The following STK32C variants were observed in gnomAD, a reference collection of about 807,000 sequenced individuals.
STK32C encodes serine/threonine kinase 32C.
In STK32C, 31 loss-of-function variants were observed where a neutral mutation model predicts 56.5. That is an observed-to-expected ratio of 0.55 (90% CI 0.41 to 0.74). STK32C has a LOEUF of 0.74. Among genes scored for constraint, STK32C ranks in the 30% least tolerant of loss-of-function variants. The pLI, the probability that STK32C is intolerant of heterozygous loss-of-function variation, is 0.00. For missense variants in STK32C, 544 were observed against 676.9 expected, an observed-to-expected ratio of 0.80 and a Z score of 2.18; for synonymous variants, 309 against 289.4, an observed-to-expected ratio of 1.07 and a Z score of -0.69.
chr10:132,280,734 G>A (rs1225945560), intron 1 of STK32C, among the ~76,000 whole-genome samples: 2 of 107,952 alleles, frequency 1.9e-5, no homozygotes, highest in African/African-American at 3.5e-5. Context: ...CCCTGCACTC[G>A]GTGATCACAC....
chr10:132,296,909 G>C (rs534103457), intron 1 of STK32C, among the ~76,000 whole-genome samples: 1 of 152,266 alleles, frequency 6.6e-6, no homozygotes, highest in Admixed American at 6.5e-5. Context: ...CTGGAAAGGA[G>C]TGTCAGGGCC....
intron 1 of STK32C, among the ~76,000 whole-genome samples, chr10:132,282,205 A>G (rs1327695841): frequency 1.3e-5 from 2 of 152,288 alleles, no homozygotes; most frequent in Admixed American, 6.5e-5. Context: ...TGCGCCAACC[A>G]GCCCGCACCA....
chr10:132,217,371 T>C (rs534900148), intron 10 of STK32C, among the ~76,000 whole-genome samples: 4 of 152,332 alleles, frequency 2.6e-5, no homozygotes, highest in African/African-American at 7.2e-5. Flanking sequence ...TGTACCCCTA[T>C]TGTATCTAGG....
chr10:132,239,785 T>C (rs1449730068), intron 2 of STK32C, among the ~76,000 whole-genome samples: 1 of 152,226 alleles, frequency 6.6e-6, no homozygotes, highest in Non-Finnish European at 1.5e-5. Flanking sequence ...GGGGCTGTCA[T>C]GTGAGGGGTC....
upstream of STK32C, among the ~76,000 whole-genome samples, chr10:132,309,798 C>T (rs549325488): frequency 5.3e-4 from 80 of 152,350 alleles, no homozygotes; most frequent in African/African-American, 1.9e-3. Flanking sequence ...AACACGCAGC[C>T]TCTGAACTTA....
At chr10:132,295,065 G>A (rs1458743404) in intron 1 of STK32C, among the ~76,000 whole-genome samples, 1 of 152,148 alleles carries the variant, frequency 6.6e-6, no homozygotes, top group Non-Finnish European at 1.5e-5. Context: ...TCCAAAGGAG[G>A]CCTGTCAATT....
At chr10:132,325,042 A>G (rs2066469608) in intron 1 of STK32C, among the ~76,000 whole-genome samples, 1 of 152,190 alleles carries the variant, frequency 6.6e-6, no homozygotes, top group African/African-American at 2.4e-5. Flanking sequence ...TCTTAGTGGT[A>G]AATGAAGTCT....
At chr10:132,245,865 C>T in intron 2 of STK32C, 35 bp downstream of exon 2, 4 of 1,605,370 alleles carry the variant, frequency 2.5e-6, no homozygotes, top group Non-Finnish European at 3.4e-6. Flanking sequence ...GCCCCTGCCC[C>T]CTCAGCCCAG....
intron 1 of STK32C, among the ~76,000 whole-genome samples, chr10:132,290,961 C>G (rs973955564): frequency 6.6e-6 from 1 of 152,234 alleles, no homozygotes; most frequent in African/African-American, 2.4e-5. Context: ...AGGAGAGGCA[C>G]AGCCAGTCTT....
At chr10:132,293,724 C>T (rs2138319884) in intron 1 of STK32C, among the ~76,000 whole-genome samples, 1 of 152,156 alleles carries the variant, frequency 6.6e-6, no homozygotes, top group South Asian at 2.1e-4. Context: ...TGGTGAGCCT[C>T]GGCCTGAAGA....
chr10:132,319,756 G>A (rs1330129741), downstream of STK32C, among the ~76,000 whole-genome samples: 1 of 152,130 alleles, frequency 6.6e-6, no homozygotes, highest in South Asian at 2.1e-4. Flanking sequence ...TAAATTTACT[G>A]TAAATTGAAT....
chr10:132,233,799 A>G (rs764085089), intron 2 of STK32C, among the ~76,000 whole-genome samples: 12 of 152,240 alleles, frequency 7.9e-5, no homozygotes, highest in Non-Finnish European at 1.8e-4. Flanking sequence ...GCTCCCGCCT[A>G]AAGCCCTTGT....
At chr10:132,237,829 C>G (rs1162348267) in intron 2 of STK32C, among the ~76,000 whole-genome samples, 1 of 152,264 alleles carries the variant, frequency 6.6e-6, no homozygotes, top group Non-Finnish European at 1.5e-5. Flanking sequence ...CAGGATCCCC[C>G]TTTCCCGACC....
intron 1 of STK32C, among the ~76,000 whole-genome samples, chr10:132,284,550 A>G (rs1050241321): frequency 6.6e-6 from 1 of 152,164 alleles, no homozygotes; most frequent in Non-Finnish European, 1.5e-5. Flanking sequence ...CCCCAGTAGC[A>G]TCGACTGCAT....
intron 1 of STK32C, among the ~76,000 whole-genome samples, chr10:132,325,650 G>A (rs1317990785): frequency 2.6e-5 from 4 of 151,904 alleles, no homozygotes; most frequent in South Asian, 4.1e-4. Context: ...ATGATTGTGA[G>A]GCTTCCCCAG....
At chr10:132,295,088 G>A (rs114515973) in intron 1 of STK32C, among the ~76,000 whole-genome samples, 73 of 152,258 alleles carry the variant, frequency 4.8e-4, no homozygotes, top group African/African-American at 1.5e-3. Context: ...CACGCCCACC[G>A]GCAGTGCACA....
chr10:132,266,281 C>T (rs113157321), intron 1 of STK32C, among the ~76,000 whole-genome samples: 211 of 152,136 alleles, frequency 1.4e-3, no homozygotes, highest in African/African-American at 4.7e-3. Flanking sequence ...ACAGGCTGGA[C>T]GGATCCACAG....
intron 1 of STK32C, among the ~76,000 whole-genome samples, chr10:132,302,497 C>T (rs1036031755): frequency 6.6e-6 from 1 of 152,192 alleles, no homozygotes; most frequent in Non-Finnish European, 1.5e-5. Flanking sequence ...CAGGAGCAAA[C>T]ATGTGACGGG....
chr10:132,287,415 C>T (rs1375475516), intron 1 of STK32C, among the ~76,000 whole-genome samples: 2 of 182 alleles, frequency 0.011, no homozygotes, highest in African/African-American at 0.05. Flanking sequence ...CACTTGAACC[C>T]GGGAGTGGAG....
Sources: allele counts gnomAD v4.1 joint callset (sites outside exome capture counted in the v4.1 genomes callset), GRCh38; gene constraint gnomAD v4.1.1; transcripts MANE v1.5; gene names NCBI Gene and HGNC (gene_info 2026-07-23, HGNC 2026-07-21).